COPB1: variants seen among roughly 807,000 people sequenced by gnomAD.
The protein encoded by COPB1 is coat protein complex I subunit beta 1.
In COPB1, 21 loss-of-function variants were observed where a neutral mutation model predicts 108.7. The ratio of observed to expected loss-of-function variants is 0.19; its 90% CI spans 0.14 to 0.28. COPB1 has a LOEUF of 0.28. Ranked by LOEUF, COPB1 falls within the 10% of genes least tolerant of loss-of-function variation. The pLI is 1.00. For missense variants in COPB1, 919 were observed against 1,141.3 expected (o/e 0.81, Z 2.81); for synonymous variants, 378 against 386.8 (o/e 0.98, Z 0.27).
In COPB1 at chr11:14,461,314, C is replaced by A. The variant is rs976909569; in HGVS notation, c.2428G>T (p.Ala810Ser). ...ACCACACAATTTCTGTCACTTGCTG[C>A]TCCAGAGACATCATAAACTGCAATT... ...FGNIVYDVSG[A>S]ASDRNCVVLS... is the part of the protein sequence containing the mutation. The change falls in exon 19 of 22, where the codon GCA becomes TCA. Residue 810 changes from alanine to serine, a missense_variant. Ala to Ser is a moderately conservative substitution (Grantham distance 99, BLOSUM62 1). This residue lies in a region of COPB1 where 705 missense variants were observed against 817.8 expected (regional missense o/e 0.86). Transcript: ENST00000439561. 1 of 1,613,864 alleles carries A rather than the reference C, an allele frequency of 6.2e-7. No individual in the cohort carries two copies. The highest frequency in any genetic ancestry group is 8.5e-7 in the Non-Finnish European group (1 of 1,179,992).
intron 5 of COPB1, among the ~76,000 whole-genome samples, chr11:14,489,228 G>A (rs1850841306): frequency 6.6e-6 from 1 of 152,200 alleles, no homozygotes. Context: ...ATAGCAACAA[G>A]TGTTGGCATG....
intron 21 of COPB1, 101 bp from the exon 22 acceptor site, chr11:14,457,984 T>C (rs1045051216): frequency 4.9e-6 from 3 of 613,868 alleles, no homozygotes; most frequent in African/African-American, 1.9e-5. Flanking sequence ...GACACCATTA[T>C]CAACAATAAA....
Position 14,479,711 on chromosome 11 carries a change from T to C in COPB1, c.1216A>G (p.Met406Val). The C allele has an allele frequency of 1.9e-6, 3 of 1,560,490 alleles. No homozygotes were observed. The highest frequency in any genetic ancestry group is 2.6e-6 in the Non-Finnish European group (3 of 1,160,558). ...TCGTTGTTGTCACTGAGAAATTCCA[T>C]TAACTAAAAGAAAAAAAAAAAAAAG... ...DMAANVIPVL[M>V]EFLSDNNEAA... is the part of the protein sequence containing the mutation. Residue 406 changes from methionine to valine, a missense_variant, in exon 11 of 22, where the codon ATG becomes GTG. Around this residue, in one of 5 missense-constraint regions of COPB1, gnomAD observed 705 missense variants for 817.8 expected, o/e 0.86. Transcript: ENST00000439561.
At chr11:14,477,726 C>G (rs531976834) in intron 11 of COPB1, among the ~76,000 whole-genome samples, 3 of 151,950 alleles carry the variant, frequency 2.0e-5, no homozygotes, top group African/African-American at 4.8e-5. Context: ...GAAACCTCGT[C>G]TCTACTGAAA....
At chr11:14,465,132 A>T in intron 17 of COPB1, 102 bp from the exon 18 acceptor site, 1 of 1,375,314 alleles carries the variant, frequency 7.3e-7, no homozygotes, top group Non-Finnish European at 9.6e-7. Context: ...CCTTAAATGT[A>T]TGCAGCTTAA....
chr11:14,493,597 T>A (rs1181199543), intron 4 of COPB1, 45 bp downstream of exon 4: 1 of 1,508,134 alleles, frequency 6.6e-7, no homozygotes, highest in East Asian at 2.4e-5. Context: ...TCTAAAAGAC[T>A]AAACAGTACT....
chr11:14,471,718 G>A (rs1850406332), intron 14 of COPB1, among the ~76,000 whole-genome samples: 1 of 152,104 alleles, frequency 6.6e-6, no homozygotes, highest in African/African-American at 2.4e-5. Flanking sequence ...AGCAGTTCGA[G>A]ACCAGCCTGG....
intron 16 of COPB1, among the ~76,000 whole-genome samples, chr11:14,467,064 C>T (rs2134098432): frequency 6.6e-6 from 1 of 152,174 alleles, no homozygotes; most frequent in Admixed American, 6.5e-5. Context: ...AAATTAAACA[C>T]TTTTATGCAT....
At chr11:14,493,838 G>A (rs1398761376) in intron 3 of COPB1, 27 bp from the exon 4 acceptor site, 1 of 1,494,838 alleles carries the variant, frequency 6.7e-7, no homozygotes, top group Non-Finnish European at 9.0e-7. Flanking sequence ...AATATGAAAT[G>A]CTGAGTTTCA....
intron 4 of COPB1, among the ~76,000 whole-genome samples, chr11:14,492,365 TG>T (rs1850922039): frequency 1.3e-5 from 2 of 151,916 alleles, no homozygotes; most frequent in African/African-American, 4.8e-5. Context: ...TTTTTTGAGA[TG>T]GAGTTTTGGT....
At chr11:14,495,873 T>C (rs1280522257) in intron 2 of COPB1, among the ~76,000 whole-genome samples, 2 of 152,186 alleles carry the variant, frequency 1.3e-5, no homozygotes, top group Non-Finnish European at 2.9e-5. Flanking sequence ...AAAACACTAA[T>C]GAATGTATTC....
At chr11:14,481,246 T>G in intron 8 of COPB1, 149 bp from the exon 9 acceptor site, 1 of 620,014 alleles carries the variant, frequency 1.6e-6, no homozygotes, top group Non-Finnish European at 2.8e-6. Context: ...CTAGATAGTT[T>G]GGGTCTCCTG....
At chr11:14,465,463 G>A (rs1850264637) in intron 17 of COPB1, among the ~76,000 whole-genome samples, 1 of 152,108 alleles carries the variant, frequency 6.6e-6, no homozygotes, top group African/African-American at 2.4e-5. Flanking sequence ...CTCCTGAGTC[G>A]CTGGGACTAC....
At chr11:14,495,046 T>A (rs1850986551) in intron 2 of COPB1, among the ~76,000 whole-genome samples, 1 of 152,208 alleles carries the variant, frequency 6.6e-6, no homozygotes, top group South Asian at 2.1e-4. Context: ...ATTCAAATGT[T>A]CTAGATTAGT....
intron 14 of COPB1, among the ~76,000 whole-genome samples, 194 bp from the exon 15 acceptor site, chr11:14,469,757 G>A (rs1412232677): frequency 6.6e-6 from 1 of 152,076 alleles, no homozygotes; most frequent in African/African-American, 2.4e-5. Flanking sequence ...TCTAAGACCT[G>A]CATTAATCCT....
intron 6 of COPB1, among the ~76,000 whole-genome samples, 159 bp from the exon 7 acceptor site, chr11:14,486,663 G>A (rs952094577): frequency 6.6e-5 from 10 of 152,106 alleles, no homozygotes; most frequent in Non-Finnish European, 1.5e-4. Flanking sequence ...AATGGGATGA[G>A]ACACTATGAC....
Position 14,468,704 on chromosome 11 carries a change from G to A in COPB1, c.2122C>T (p.Pro708Ser). The A allele has an allele frequency of 6.2e-7, 1 of 1,614,016 alleles. No homozygotes were observed. Among genetic ancestry groups the A allele is most frequent in the Non-Finnish European group, 8.5e-7 (1 of 1,179,972 alleles). The change falls in exon 16 of 22, where the codon CCC becomes TCC. Residue 708 changes from proline to serine, a missense_variant. Pro to Ser is a moderately conservative substitution (Grantham distance 74, BLOSUM62 -1). Around this residue, in one of 5 missense-constraint regions of COPB1, gnomAD observed 705 missense variants for 817.8 expected, o/e 0.86. Transcript: ENST00000439561. ...ACCTTGTTAAGTTTAGATGCTAGGG[G>A]ATCTGCTGCCTCTTTCCTCTGTGTG... is the stretch of plus-strand genomic sequence containing the variant. ...GNTQRKEAAD[P>S]LASKLNKVTQ...
At chr11:14,471,579 T>C (rs1044756950) in intron 14 of COPB1, among the ~76,000 whole-genome samples, 2 of 152,228 alleles carry the variant, frequency 1.3e-5, no homozygotes, top group Non-Finnish European at 2.9e-5. Context: ...GTAAATTATC[T>C]GGCTCTCATT....
At chr11:14,471,772 A>G (rs1322109378) in intron 14 of COPB1, among the ~76,000 whole-genome samples, 2 of 152,240 alleles carry the variant, frequency 1.3e-5, no homozygotes, top group Non-Finnish European at 2.9e-5. Flanking sequence ...TACAAAAAAA[A>G]TTAGACAGGC....
Sources: allele counts gnomAD v4.1 joint callset (sites outside exome capture counted in the v4.1 genomes callset), GRCh38; gene constraint gnomAD v4.1.1; regional missense constraint gnomAD v4.1.1; transcripts MANE v1.5; gene names NCBI Gene and HGNC (gene_info 2026-07-23, HGNC 2026-07-21).